The following PKP4 variants were observed in gnomAD, a reference collection of about 807,000 sequenced individuals.
The protein encoded by PKP4 is plakophilin 4, also known as plakophilin-4.
Under a neutral mutation model 145.1 loss-of-function variants are expected in PKP4, and 90 were observed. The ratio of observed to expected loss-of-function variants is 0.62; its 90% CI spans 0.52 to 0.74. The LOEUF (loss-of-function observed/expected upper bound fraction) is 0.74. Ranked by LOEUF, PKP4 falls within the 30% of genes least tolerant of loss-of-function variation. The pLI is 0.00. For missense variants in PKP4, 1,340 were observed against 1,482.7 expected (o/e 0.90, Z 1.58); for synonymous variants, 563 against 577.2 (o/e 0.98, Z 0.35).
intron 1 of PKP4, among the ~76,000 whole-genome samples, chr2:158,486,383 A>G (rs913320056): frequency 6.6e-6 from 1 of 152,214 alleles, no homozygotes; most frequent in African/African-American, 2.4e-5. Flanking sequence ...TTTCCACTGT[A>G]TCAAATTTAA....
Position 158,681,130 on chromosome 2 carries a change from G to A in PKP4, c.*453G>A, listed in dbSNP as rs1049550688. 6.5e-6 allele frequency: 1 copy of A among 154,174 alleles called. No individual in the cohort carries two copies. The highest frequency in any genetic ancestry group is 2.4e-5 in the African/African-American group (1 of 41,436). The allele number at this position is 154,174 out of a possible 1,614,324, so 9.6% of individuals were successfully genotyped here. Reference sequence around the variant, plus strand: ...TGTCTTGTAAATTTCTTTTGTTGGTGTAAATATGGAAATGCCACATTGGTT... The same window carrying A: ...TGTCTTGTAAATTTCTTTTGTTGGTATAAATATGGAAATGCCACATTGGTT... On this transcript the variant is annotated 3_prime_UTR_variant, in exon 22 of 22. Transcript: ENST00000389759.
intron 1 of PKP4, among the ~76,000 whole-genome samples, chr2:158,470,169 A>G (rs997201979): frequency 3.3e-5 from 5 of 152,104 alleles, no homozygotes; most frequent in African/African-American, 4.8e-5. Context: ...TATTCCTAAC[A>G]TATAGTAAGC....
chr2:158,588,482 G>A (rs539451368), intron 3 of PKP4, among the ~76,000 whole-genome samples: 119 of 152,246 alleles, frequency 7.8e-4, no homozygotes, highest in African/African-American at 2.7e-3. Context: ...TCCTCCGGCT[G>A]TTGATGTTGT....
chr2:158,528,133 C>T (rs1270720897), intron 1 of PKP4, among the ~76,000 whole-genome samples: 11 of 132,834 alleles, frequency 8.3e-5, no homozygotes, highest in Admixed American at 3.2e-4. Context: ...CATCCCATTA[C>T]TGGGTATATA....
intron 1 of PKP4, among the ~76,000 whole-genome samples, chr2:158,481,401 A>G (rs964148360): frequency 6.6e-6 from 1 of 152,202 alleles, no homozygotes; most frequent in Non-Finnish European, 1.5e-5. Flanking sequence ...TTCTAGGTAT[A>G]TACCTAGGAG....
chr2:158,535,746 G>A (rs1006354224), intron 2 of PKP4, among the ~76,000 whole-genome samples: 29 of 152,018 alleles, frequency 1.9e-4, no homozygotes, highest in African/African-American at 7.0e-4. Flanking sequence ...TTTAAAAAGC[G>A]TCACTGCCAT....
At chr2:158,643,729 G>A (rs13384591) in intron 11 of PKP4, among the ~76,000 whole-genome samples, 77,873 of 135,560 alleles carry the variant, frequency 0.57, 22,885 homozygotes, top group East Asian at 0.8. Context: ...AAAAAAAAAA[G>A]AAAAGAAAAC....
chr2:158,588,731 A>G (rs989865867), intron 3 of PKP4, among the ~76,000 whole-genome samples: 1 of 152,072 alleles, frequency 6.6e-6, no homozygotes, highest in African/African-American at 2.4e-5. Context: ...AATTATCCAA[A>G]CCTGCCACTT....
chr2:158,529,425 A>T (rs1235303705), intron 1 of PKP4, among the ~76,000 whole-genome samples: 1 of 151,990 alleles, frequency 6.6e-6, no homozygotes, highest in South Asian at 2.1e-4. Flanking sequence ...CATAAAAAAC[A>T]GGAGCTGTGT....
At chr2:158,474,313 G>A (rs985869626) in intron 1 of PKP4, among the ~76,000 whole-genome samples, 2 of 152,170 alleles carry the variant, frequency 1.3e-5, no homozygotes, top group African/African-American at 4.8e-5. Flanking sequence ...TGGGATCCCT[G>A]AGGCTCACTT....
chr2:158,474,359 C>T (rs1019748733), intron 1 of PKP4, among the ~76,000 whole-genome samples: 1 of 152,172 alleles, frequency 6.6e-6, no homozygotes, highest in African/African-American at 2.4e-5. Flanking sequence ...CATTATAATA[C>T]CAAAGCTATT....
At chr2:158,549,313 C>CT (rs2105694433) in intron 2 of PKP4, 1 of 152,364 alleles carries the variant, frequency 6.6e-6, no homozygotes, top group South Asian at 2.1e-4. Context: ...CAGAATGGTA[C>CT]TTTTACAGGG....
At chr2:158,621,988 G>A (rs547299656) in intron 6 of PKP4, among the ~76,000 whole-genome samples, 2 of 152,230 alleles carry the variant, frequency 1.3e-5, no homozygotes, top group Admixed American at 1.3e-4. Context: ...AACAAGTTTG[G>A]CATGAGGAGA....
intron 1 of PKP4, among the ~76,000 whole-genome samples, chr2:158,487,494 G>T (rs1248181737): frequency 6.6e-6 from 1 of 152,130 alleles, no homozygotes; most frequent in Non-Finnish European, 1.5e-5. Context: ...AAGGCCTCTG[G>T]TTGGATCATA....
intron 2 of PKP4, among the ~76,000 whole-genome samples, chr2:158,574,874 C>T (rs568792474): frequency 1.3e-5 from 2 of 152,246 alleles, no homozygotes; most frequent in South Asian, 4.1e-4. Flanking sequence ...AAGGAATTGC[C>T]CTACTTTTAA....
At chr2:158,557,899 T>G (rs2046224233) in intron 2 of PKP4, among the ~76,000 whole-genome samples, 1 of 152,194 alleles carries the variant, frequency 6.6e-6, no homozygotes, top group African/African-American at 2.4e-5. Context: ...GTGTGTACCT[T>G]GAGGTGATTG....
intron 4 of PKP4, among the ~76,000 whole-genome samples, chr2:158,610,844 T>A (rs1174769974): frequency 6.6e-6 from 1 of 152,182 alleles, no homozygotes; most frequent in Non-Finnish European, 1.5e-5. Context: ...CCTAGCACAT[T>A]AGACCAGGAG....
chr2:158,612,338 C>T (rs139953300), intron 4 of PKP4, among the ~76,000 whole-genome samples: 1 of 152,044 alleles, frequency 6.6e-6, no homozygotes, highest in Non-Finnish European at 1.5e-5. Context: ...TATATAAAGC[C>T]CTATTTCTTT....
chr2:158,478,183 A>G (rs767869016), intron 1 of PKP4, among the ~76,000 whole-genome samples: 13 of 151,890 alleles, frequency 8.6e-5, no homozygotes, highest in Non-Finnish European at 1.8e-4. Context: ...TTATAGCTTT[A>G]TCCCAGATTT....
Sources: gnomAD v4.1 joint callset for allele counts (sites outside exome capture counted in the v4.1 genomes callset) on GRCh38, gnomAD v4.1.1 for gene constraint, MANE v1.5 for transcripts, NCBI Gene and HGNC (gene_info 2026-07-23, HGNC 2026-07-21) for gene names.